The following RYR2 variants were observed in gnomAD, a reference collection of about 807,000 sequenced individuals.
The protein encoded by RYR2 is cardiac muscle ryanodine receptor-calcium release channel.
Under a neutral mutation model 601.1 loss-of-function variants are expected in RYR2, and 227 were observed. The ratio of observed to expected loss-of-function variants is 0.38; its 90% confidence interval spans 0.34 to 0.42. The LOEUF is 0.42. RYR2 is among the 10% of genes least tolerant of loss of function. RYR2 has a pLI of 1.00. For missense variants in RYR2, 4,646 were observed against 6,156.5 expected, an observed-to-expected ratio of 0.75 and a Z score of 8.21; for synonymous variants, 2,223 against 2,175.1, an observed-to-expected ratio of 1.02 and a Z score of -0.61.
chr1:237,452,077 T>TGTGTGTGTG (rs1553457209), intron 14 of RYR2, among the ~76,000 whole-genome samples: 4,015 of 74,480 alleles, frequency 0.054, 114 homozygotes, highest in East Asian at 0.24. Flanking sequence ...ATATAAAATT[T>TGTGTGTGTG]TGTGTGTGTG....
At position 237,788,080 on chromosome 1, in the gene RYR2, A is replaced by T; in HGVS notation, c.13421A>T (p.Glu4474Val). 6.2e-7 allele frequency: 1 copy of T among 1,612,704 alleles called. No homozygotes were observed. The highest frequency in any genetic ancestry group is 8.5e-7 in the Non-Finnish European group (1 of 1,179,230). The change falls in exon 92 of 105, where the codon GAA becomes GTA. Residue 4474 changes from glutamate to valine, a missense_variant. Glu to Val is a moderately radical substitution (Grantham distance 121). This residue lies in a region of RYR2 where 364 missense variants were observed against 442.9 expected (regional missense o/e 0.82). Transcript: ENST00000366574. ...CACACACACAGATACGGAGAACCAG[A>T]AGTGCCAGAGTCAGCATTCTGGAAG... ...QLHTHRYGEP[E>V]VPESAFWKKI...
intron 1 of RYR2, among the ~76,000 whole-genome samples, chr1:237,046,603 A>G (rs1407147556): frequency 1.3e-5 from 2 of 152,236 alleles, no homozygotes; most frequent in African/African-American, 4.8e-5. Flanking sequence ...ATTAGCATGT[A>G]CACATTGGCA....
At chr1:237,061,175 C>T (rs1484520616) in intron 1 of RYR2, among the ~76,000 whole-genome samples, 1 of 151,974 alleles carries the variant, frequency 6.6e-6, no homozygotes, top group Non-Finnish European at 1.5e-5. Flanking sequence ...TGTGAAATAC[C>T]TATTCAGGCT....
At chr1:237,098,151 G>A (rs1667679157) in intron 1 of RYR2, among the ~76,000 whole-genome samples, 1 of 152,212 alleles carries the variant, frequency 6.6e-6, no homozygotes, top group Non-Finnish European at 1.5e-5. Context: ...AGAGAATTTG[G>A]AAAGCCACTT....
chr1:237,548,670 G>A, intron 26 of RYR2, 80 bp downstream of exon 26: 1 of 1,518,660 alleles, frequency 6.6e-7, no homozygotes, highest in Non-Finnish European at 8.9e-7. Flanking sequence ...ATTACATAAT[G>A]ACTATTTTAA....
intron 29 of RYR2, 123 bp downstream of exon 29, chr1:237,569,442 C>T (rs969511701): frequency 9.6e-6 from 8 of 835,010 alleles, no homozygotes; most frequent in South Asian, 5.1e-5. Flanking sequence ...AGCTGTAAAT[C>T]GTGAGGGTGC....
At chr1:237,281,081 G>C (rs1690814534) in intron 2 of RYR2, among the ~76,000 whole-genome samples, 1 of 152,068 alleles carries the variant, frequency 6.6e-6, no homozygotes, top group African/African-American at 2.4e-5. Context: ...CACCACGCCT[G>C]GCCTCTTTTT....
intron 17 of RYR2, among the ~76,000 whole-genome samples, chr1:237,486,859 T>C (rs906866356): frequency 3.9e-5 from 6 of 152,156 alleles, no homozygotes; most frequent in African/African-American, 1.4e-4. Flanking sequence ...TTTATACAAA[T>C]GAATATATTT....
intron 25 of RYR2, among the ~76,000 whole-genome samples, chr1:237,537,810 A>T (rs1185700668): frequency 6.6e-6 from 1 of 152,224 alleles, no homozygotes; most frequent in Non-Finnish European, 1.5e-5. Flanking sequence ...AATTCTACAG[A>T]TAATTCATAG....
chr1:237,254,659 ATCTG>A (rs977067005), intron 1 of RYR2, among the ~76,000 whole-genome samples: 1 of 152,168 alleles, frequency 6.6e-6, no homozygotes, highest in Admixed American at 6.6e-5. Context: ...ACGGACACCA[ATCTG>A]TTATGTGTAC....
At chr1:237,241,417 A>C (rs1686146702) in intron 1 of RYR2, among the ~76,000 whole-genome samples, 1 of 152,218 alleles carries the variant, frequency 6.6e-6, no homozygotes, top group African/African-American at 2.4e-5. Flanking sequence ...ATTGTTGGTC[A>C]CTATATTTAA....
chr1:237,699,180 T>C (rs1203644964), intron 64 of RYR2, among the ~76,000 whole-genome samples, 155 bp downstream of exon 64: 1 of 152,124 alleles, frequency 6.6e-6, no homozygotes, highest in African/African-American at 2.4e-5. Context: ...TTAAAATTAA[T>C]ACAGTGGCAG....
chr1:237,249,713 AG>A (rs1377028907), intron 1 of RYR2, among the ~76,000 whole-genome samples: 5 of 152,206 alleles, frequency 3.3e-5, no homozygotes, highest in African/African-American at 1.2e-4. Flanking sequence ...TCAAGCCCTA[AG>A]AAATTCTGTT....
intron 97 of RYR2, among the ~76,000 whole-genome samples, chr1:237,799,428 A>T (rs1377369125): frequency 6.6e-6 from 1 of 152,246 alleles, no homozygotes; most frequent in Non-Finnish European, 1.5e-5. Context: ...CTGAAAAAAT[A>T]GAAGGGAAGT....
At chr1:237,399,619 C>A (rs1054661650) in intron 10 of RYR2, among the ~76,000 whole-genome samples, 2 of 152,200 alleles carry the variant, frequency 1.3e-5, no homozygotes, top group Non-Finnish European at 2.9e-5. Context: ...CAAGTGCACA[C>A]AGAACAAAGG....
At chr1:237,552,558 G>T (rs1475429107) in intron 27 of RYR2, among the ~76,000 whole-genome samples, 2 of 151,860 alleles carry the variant, frequency 1.3e-5, no homozygotes, top group Admixed American at 6.6e-5. Context: ...CACTTTGTAA[G>T]TTCTATCATT....
intron 14 of RYR2, among the ~76,000 whole-genome samples, chr1:237,446,004 A>G (rs957926611): frequency 3.3e-5 from 5 of 152,006 alleles, no homozygotes; most frequent in Admixed American, 2.0e-4. Context: ...TTTAGTAGAG[A>G]TAGGGTTTCA....
In RYR2 at chr1:237,548,465, A is replaced by C; in HGVS notation, c.2941A>C (p.Met981Leu). The change falls in exon 26 of 105, where the codon ATG becomes CTG. Residue 981 changes from methionine (M) to leucine (L), a missense_variant. By Grantham distance (15) the Met-to-Leu change is conservative. Coordinates refer to ENST00000366574, the MANE Select transcript of RYR2 (RefSeq NM_001035.3). ...GACAAGTGGATACAAGCCTGCCCCT[A>C]TGGACCTGAGCTTTATCAAACTCAC... is the stretch of plus-strand genomic sequence containing the variant. Reference protein sequence around the residue: ...QLTSGYKPAPMDLSFIKLTPS... With the variant: ...QLTSGYKPAPLDLSFIKLTPS... The C allele has an allele frequency of 6.2e-7, 1 of 1,613,998 alleles. No homozygotes were observed. Among genetic ancestry groups the C allele is most frequent in the Non-Finnish European group, 8.5e-7 (1 of 1,179,878 alleles).
At chr1:237,433,583 T>A (rs1384726769) in intron 12 of RYR2, among the ~76,000 whole-genome samples, 1 of 152,156 alleles carries the variant, frequency 6.6e-6, no homozygotes, top group Non-Finnish European at 1.5e-5. Context: ...CTTAATCCCT[T>A]TGTTAGTCAT....
Sources: gnomAD v4.1 joint callset for allele counts (sites outside exome capture counted in the v4.1 genomes callset) on GRCh38, gnomAD v4.1.1 for gene constraint, gnomAD v4.1.1 regional missense constraint, MANE v1.5 for transcripts, NCBI Gene and HGNC (gene_info 2026-07-23, HGNC 2026-07-21) for gene names.